The following ZNF84 variants were observed in gnomAD, a reference collection of about 807,000 sequenced individuals.
ZNF84 encodes zinc finger protein 84.
A neutral mutation model predicts 14.8 loss-of-function variants in ZNF84; 12 were observed. That is an observed-to-expected ratio of 0.81 (90% CI 0.52 to 1.31). The LOEUF (loss-of-function observed/expected upper bound fraction) is 1.31. Ranked by LOEUF, ZNF84 falls within the 50% of genes most tolerant of loss-of-function variation. ZNF84 has a pLI of 0.00. For missense variants in ZNF84, 859 were observed against 878.6 expected (o/e 0.98, Z 0.28); for synonymous variants, 347 against 291.1 (o/e 1.19, Z -1.96).
intron 2 of ZNF84, among the ~76,000 whole-genome samples, chr12:133,043,853 G>A (rs57862216): frequency 0.43 from 65,170 of 150,968 alleles, 14,378 homozygotes; most frequent in African/African-American, 0.5. Flanking sequence ...TCCCGGGTTC[G>A]AGCAGTTCTC....
chr12:133,043,398 C>T (rs1257622982), intron 2 of ZNF84, among the ~76,000 whole-genome samples: 1 of 152,132 alleles, frequency 6.6e-6, no homozygotes, highest in African/African-American at 2.4e-5. Context: ...CTCCTGAGCT[C>T]AGGCAATCCG....
chr12:133,059,884 C>G lies in ZNF84; in HGVS notation c.*952C>G, dbSNP rs1176855390. The G allele has an allele frequency of 6.6e-6, 1 of 152,116 alleles. No homozygotes were observed. Among genetic ancestry groups the G allele is most frequent in the South Asian group, 2.1e-4 (1 of 4,828 alleles). 9.4% of individuals were successfully genotyped at this position (152,116 alleles called of 1,614,324 possible). On this transcript the variant is annotated 3_prime_UTR_variant, in exon 5 of 5. Coordinates refer to ENST00000539354, the MANE Select transcript of ZNF84 (RefSeq NM_001289971.2). ...ATAAGGGGTCTTTTGTTTTTATGGA[C>G]CTTTCTATTCAGTAACTGAAGCCAA...
chr12:133,050,190 A>G (rs1465401384), intron 4 of ZNF84, among the ~76,000 whole-genome samples: 2 of 152,232 alleles, frequency 1.3e-5, no homozygotes, highest in Non-Finnish European at 2.9e-5. Flanking sequence ...CCAGTGAAGG[A>G]TGGGCTGACG....
intron 2 of ZNF84, among the ~76,000 whole-genome samples, chr12:133,045,928 G>A (rs2137355027): frequency 6.7e-6 from 1 of 148,790 alleles, no homozygotes; most frequent in South Asian, 2.2e-4. Flanking sequence ...ATAGTGTCAT[G>A]AGCTCTGTTC....
chr12:133,048,022 C>G lies in ZNF84; in HGVS notation c.83C>G (p.Ser28Cys). Residue 28 changes from serine to cysteine, a missense_variant, in exon 3 of 5, where the codon TCT becomes TGT. By Grantham distance (112) the Ser-to-Cys change is moderately radical. Transcript: ENST00000539354. Reference protein sequence around the residue: ...TQKEWQLLDPSQKNLYKDVML... With the variant: ...TQKEWQLLDPCQKNLYKDVML... ...AAGGAGTGGCAGCTACTGGATCCCT[C>G]TCAGAAGAATTTATACAAGGATGTG... is the stretch of plus-strand genomic sequence containing the variant. 6.2e-7 allele frequency: 1 copy of G among 1,614,056 alleles called. No homozygotes were observed.
At chr12:133,041,623 A>C in intron 2 of ZNF84, 141 bp downstream of exon 2, 1 of 814,606 alleles carries the variant, frequency 1.2e-6, no homozygotes, top group Non-Finnish European at 2.1e-6. Flanking sequence ...CAAAATTGGC[A>C]CAGTGATATA....
rs1954191724 is a variant in ZNF84 at position 133,057,988 on chromosome 12, C to T, written c.1273C>T (p.His425Tyr). Residue 425 changes from histidine to tyrosine, a missense_variant, in exon 5 of 5, where the codon CAT (histidine) becomes TAT (tyrosine). His to Tyr is a moderately conservative substitution (Grantham distance 83). Coordinates refer to ENST00000539354, the MANE Select transcript of ZNF84 (RefSeq NM_001289971.2). ...RSSLINHQRT[H>Y]TGEKPHGCIQ... ...GAGTCTCATTAATCATCAGAGAACA[C>T]ATACAGGAGAGAAACCTCATGGATG... The T allele has an allele frequency of 6.2e-7, 1 of 1,613,846 alleles. No homozygotes were observed. Among genetic ancestry groups the T allele is most frequent in the Non-Finnish European group, 8.5e-7 (1 of 1,180,016 alleles).
At position 133,057,758 on chromosome 12, in the gene ZNF84, A is replaced by T; in HGVS notation, c.1043A>T (p.Glu348Val). 1 of 1,614,154 alleles carries T rather than the reference A, an allele frequency of 6.2e-7. No homozygotes were observed. Among genetic ancestry groups the T allele is most frequent in the Non-Finnish European group, 8.5e-7 (1 of 1,180,030 alleles). The change falls in exon 5 of 5, where the codon GAA (glutamate) becomes GTA (valine). Residue 348 changes from glutamate to valine, a missense_variant. Coordinates refer to ENST00000539354, the MANE Select transcript of ZNF84 (RefSeq NM_001289971.2). ...QRIHTGEKPFECRECGKAFSR... is the reference protein window; with the variant it reads ...QRIHTGEKPFVCRECGKAFSR... ...ATTCATACCGGTGAGAAGCCTTTTG[A>T]ATGCAGGGAATGTGGGAAAGCCTTC...
chr12:133,057,179 C>A lies in ZNF84; in HGVS notation c.464C>A (p.Ser155Ter). Residue 155 changes from serine to a stop codon, truncating the protein, a stop_gained, in exon 5 of 5, where the codon TCA (serine) becomes TAA (stop). Coordinates refer to ENST00000539354, the MANE Select transcript of ZNF84 (RefSeq NM_001289971.2). LOFTEE classifies it low-confidence loss of function (END_TRUNC). ...AAAGGAGATTATGGAAAAGCAGAAT[C>A]AGATGACTTTAATGTGTTTGATAAT... ...IPKGDYGKAESDDFNVFDNFF... is the reference protein window; with the variant it reads ...IPKGDYGKAE 1 of 1,611,332 alleles carries A rather than the reference C, an allele frequency of 6.2e-7. No homozygotes were observed. The highest frequency in any genetic ancestry group is 1.1e-5 in the South Asian group (1 of 90,150).
chr12:133,057,076 G>A lies in ZNF84; in HGVS notation c.361G>A (p.Val121Ile), dbSNP rs2137417532. ...AAATTTCAATCTGAACATGAACTTTGTTCCTTTAAGGAAATCAAACAGTGA... is the reference window on the plus strand; with the variant it reads ...AAATTTCAATCTGAACATGAACTTTATTCCTTTAAGGAAATCAAACAGTGA... ...GKNFNLNMNF[V>I]PLRKSNSEGD... Residue 121 changes from valine (V) to isoleucine (I), a missense_variant, in exon 5 of 5, where the codon GTT becomes ATT. Physicochemically the swap from Val to Ile is conservative, Grantham distance 29 (BLOSUM62 3). Transcript: ENST00000539354. 1.2e-6 allele frequency: 2 copies of A among 1,613,428 alleles called. No homozygotes were observed. The highest frequency in any genetic ancestry group is 4.5e-5 in the East Asian group (2 of 44,836).
chr12:133,043,947 A>G (rs1953932807), intron 2 of ZNF84, among the ~76,000 whole-genome samples: 2 of 148,924 alleles, frequency 1.3e-5, no homozygotes, highest in Admixed American at 6.7e-5. Flanking sequence ...TTTTTCCAGT[A>G]GAGATGGGGT....
chr12:133,056,405 C>G (rs1954158964), intron 4 of ZNF84, among the ~76,000 whole-genome samples: 2 of 152,032 alleles, frequency 1.3e-5, no homozygotes, highest in African/African-American at 2.4e-5. Context: ...AGGCGCCCAC[C>G]ACCACACCCG....
chr12:133,054,319 G>T (rs1303034242), intron 4 of ZNF84, among the ~76,000 whole-genome samples: 1 of 152,118 alleles, frequency 6.6e-6, no homozygotes, highest in Non-Finnish European at 1.5e-5. Context: ...TGGGAGCCTG[G>T]GGGGTTGAGG....
intron 2 of ZNF84, among the ~76,000 whole-genome samples, chr12:133,046,758 G>T (rs1408604237): frequency 6.7e-6 from 1 of 150,068 alleles, no homozygotes; most frequent in Non-Finnish European, 1.5e-5. Flanking sequence ...ACCTCCCAGG[G>T]TCAAACAGTC....
At chr12:133,056,388 G>T (rs1954158228) in intron 4 of ZNF84, among the ~76,000 whole-genome samples, 1 of 151,904 alleles carries the variant, frequency 6.6e-6, no homozygotes, top group East Asian at 1.9e-4. Context: ...TGAGTAGCTG[G>T]GACTACAGGC....
intron 1 of ZNF84, chr12:133,039,158 C>T (rs1953842179): frequency 1.3e-5 from 2 of 152,090 alleles, no homozygotes; most frequent in Non-Finnish European, 2.9e-5. Context: ...TATGTATTAT[C>T]ACAATTTAAG....
intron 2 of ZNF84, among the ~76,000 whole-genome samples, chr12:133,045,103 C>T (rs1455311502): frequency 6.6e-6 from 1 of 152,208 alleles, no homozygotes; most frequent in East Asian, 1.9e-4. Flanking sequence ...AGAAGATTTT[C>T]CTCACCCCAA....
intron 4 of ZNF84, among the ~76,000 whole-genome samples, chr12:133,055,060 CA>C (rs1954130456): frequency 6.6e-6 from 1 of 152,118 alleles, no homozygotes; most frequent in Non-Finnish European, 1.5e-5. Context: ...TTCAGTAACT[CA>C]TTTGTCTCAC....
intron 4 of ZNF84, among the ~76,000 whole-genome samples, chr12:133,056,258 A>AT (rs1954156384): frequency 1.3e-5 from 2 of 151,076 alleles, no homozygotes; most frequent in East Asian, 3.9e-4. Flanking sequence ...TTTATTTTTT[A>AT]TTTTTATTTT....
Sources: allele counts gnomAD v4.1 joint callset (sites outside exome capture counted in the v4.1 genomes callset), GRCh38; gene constraint gnomAD v4.1.1; transcripts MANE v1.5; gene names NCBI Gene and HGNC (gene_info 2026-07-23, HGNC 2026-07-21).